Variants in JAG1 observed in about 807,000 individuals in gnomAD.
The protein encoded by JAG1 is protein jagged-1.
Under a neutral mutation model 148.7 loss-of-function variants are expected in JAG1, and 23 were observed. That is an observed-to-expected ratio of 0.15 (90% CI 0.11 to 0.22). The LOEUF (loss-of-function observed/expected upper bound fraction) is 0.22. JAG1 is among the 10% of genes least tolerant of loss of function. The pLI, the probability that JAG1 is intolerant of heterozygous loss-of-function variation, is 1.00. For missense variants in JAG1, 1,054 were observed against 1,611.2 expected (o/e 0.65, Z 5.92); for synonymous variants, 572 against 598.3 (o/e 0.96, Z 0.64).
At chr20:10,664,585 A>G (rs1358816079) in intron 2 of JAG1, among the ~76,000 whole-genome samples, 1 of 152,086 alleles carries the variant, frequency 6.6e-6, no homozygotes, top group Non-Finnish European at 1.5e-5. Context: ...GTATCGGGTA[A>G]CTCTAGGAAA....
intron 14 of JAG1, among the ~76,000 whole-genome samples, chr20:10,646,529 A>G (rs73075345): frequency 0.15 from 22,385 of 151,816 alleles, 1,835 homozygotes; most frequent in Admixed American, 0.19. Context: ...ACTGCTGGGC[A>G]TGGTGGCTCA....
intron 2 of JAG1, among the ~76,000 whole-genome samples, chr20:10,669,349 T>A (rs1403149643): frequency 6.6e-6 from 1 of 151,586 alleles, no homozygotes; most frequent in African/African-American, 2.4e-5. Flanking sequence ...CAGAACCCCA[T>A]CCTTAAGCCC....
intron 2 of JAG1, among the ~76,000 whole-genome samples, chr20:10,670,721 C>T (rs1276819513): frequency 6.6e-6 from 1 of 152,208 alleles, no homozygotes; most frequent in Non-Finnish European, 1.5e-5. Context: ...ATGCGTTTGT[C>T]CCAACTTCAA....
chr20:10,652,324 C>CG, intron 6 of JAG1, 74 bp from the exon 7 acceptor site: 1 of 1,602,958 alleles, frequency 6.2e-7, no homozygotes, highest in African/African-American at 1.3e-5. Context: ...TAGCCCCAGT[C>CG]GTCTTTTAAA....
intron 12 of JAG1, 83 bp from the exon 13 acceptor site, chr20:10,648,193 A>G (rs550417197): frequency 2.6e-6 from 4 of 1,525,158 alleles, no homozygotes; most frequent in Non-Finnish European, 2.7e-6. Flanking sequence ...GGCAGCAGGC[A>G]CTGGAATCTG....
At chr20:10,646,874 G>T in intron 14 of JAG1, 65 bp downstream of exon 14, 1 of 1,514,998 alleles carries the variant, frequency 6.6e-7, no homozygotes, top group Non-Finnish European at 9.2e-7. Flanking sequence ...GGTGGGCCAG[G>T]GGCAGAGGCA....
intron 11 of JAG1, 62 bp from the exon 12 acceptor site, chr20:10,648,784 G>A: frequency 1.3e-6 from 2 of 1,491,896 alleles, no homozygotes; most frequent in Non-Finnish European, 9.3e-7. Flanking sequence ...CACAAACACA[G>A]GGCTTCAGCG....
At position 10,643,876 on chromosome 20, in the gene JAG1, A is replaced by G; in HGVS notation, c.2373-13T>C. The G allele has an allele frequency of 6.2e-7, 1 of 1,609,488 alleles. No individual in the cohort carries two copies. The highest frequency in any genetic ancestry group is 1.7e-4 in the Middle Eastern group (1 of 6,030). On this transcript the variant is annotated splice_polypyrimidine_tract_variant and intron_variant, in intron 19 of 25. Coordinates refer to ENST00000254958, the MANE Select transcript of JAG1 (RefSeq NM_000214.3). ...GCCGCTGTTGTAACTAAGAAAGCAA[A>G]GACCACCTTGGTTACCAACCTCCCA...
In JAG1 at chr20:10,649,598, G is replaced by A. The variant is rs372686313; in HGVS notation, c.1272C>T (p.Ala424=). The change falls in exon 10 of 26, where the codon GCC becomes GCT. Residue 424 remains alanine, a synonymous_variant. Transcript: ENST00000254958. The part of the protein sequence containing the change: ...NECEAKPCVN[A]KSCKNLIASY... Reference sequence around the variant, plus strand: ...TGGCAATGAGATTCTTACAGGATTTGGCGTTTACACAAGGTTTGGCCTCAC... The same window carrying A: ...TGGCAATGAGATTCTTACAGGATTTAGCGTTTACACAAGGTTTGGCCTCAC... The A allele has an allele frequency of 3.1e-6, 5 of 1,613,712 alleles. No homozygotes were observed. In the African/African-American group the frequency reaches 4.0e-5, roughly 13 times the overall value.
intron 2 of JAG1, among the ~76,000 whole-genome samples, chr20:10,670,175 G>A (rs548314143): frequency 1.3e-5 from 2 of 152,050 alleles, no homozygotes; most frequent in Non-Finnish European, 2.9e-5. Flanking sequence ...TTTCCTCCTC[G>A]TCCTCTCTAG....
intron 19 of JAG1, 112 bp downstream of exon 19, chr20:10,644,245 T>C: frequency 1.0e-6 from 1 of 1,002,100 alleles, no homozygotes; most frequent in Non-Finnish European, 1.5e-6. Context: ...GACTCAGAAC[T>C]TGCATTTTAA....
chr20:10,639,796 T>C lies in JAG1; in HGVS notation c.3359A>G (p.Asn1120Ser). 1 of 1,614,160 alleles carries C rather than the reference T, an allele frequency of 6.2e-7. No homozygotes were observed. The highest frequency in any genetic ancestry group is 1.1e-5 in the South Asian group (1 of 91,084). The change falls in exon 26 of 26, where the codon AAC (asparagine) becomes AGC (serine). Residue 1120 changes from asparagine to serine, a missense_variant. Coordinates refer to ENST00000254958, the MANE Select transcript of JAG1 (RefSeq NM_000214.3). ...TTTCTCAATGGGGTTTTTGATCTGG[T>C]TCAGCTGCTCCCGCACGTTGTTGGT... The part of the protein sequence containing the change: ...NTTNNVREQL[N>S]QIKNPIEKHG...
chr20:10,648,730 A>G lies in JAG1; in HGVS notation c.1396-8T>C, dbSNP rs756167442. 2 of 1,613,842 alleles carry G rather than the reference A, an allele frequency of 1.2e-6. No individual in the cohort carries two copies. Among genetic ancestry groups the G allele is most frequent in the South Asian group, 2.2e-5 (2 of 91,066 alleles). On this transcript the variant is annotated splice_polypyrimidine_tract_variant and splice_region_variant and intron_variant, in intron 11 of 25. Coordinates refer to ENST00000254958, the MANE Select transcript of JAG1 (RefSeq NM_000214.3). ...ATAACCATTAACCAAATCCTAGAAG[A>G]GGAGAAGGGGAGAGAGAGACACATG...
At chr20:10,653,539 C>T (rs1373628442) in intron 5 of JAG1, among the ~76,000 whole-genome samples, 1 of 131,412 alleles carries the variant, frequency 7.6e-6, no homozygotes, top group Non-Finnish European at 1.5e-5. Context: ...TGGGGGAAGG[C>T]AGGGAGAAAC....
chr20:10,645,622 A>AAAGCCTGATTGTGT lies in JAG1; in HGVS notation c.2000-154_2000-153insACACAATCAGGCTT. ...TTAACACAATCAGGCTTTTCCAGGAATAAAGGAGCTCCCAACTGGGTTACT... is the reference window on the plus strand; with the variant it reads ...TTAACACAATCAGGCTTTTCCAGGAAAAGCCTGATTGTGTTAAAGGAGCTCCCAACTGGGTTACT... On this transcript the variant is annotated intron_variant, in intron 15 of 25. Transcript: ENST00000254958. The surrounding 1 kb of genome is among the most constrained non-coding windows in gnomAD (Gnocchi z 6.1). The AAAGCCTGATTGTGT allele has an allele frequency of 1.4e-6, 1 of 723,746 alleles. No homozygotes were observed. The highest frequency in any genetic ancestry group is 1.5e-5 in the South Asian group (1 of 65,732). The allele number at this position is 723,746 out of a possible 1,614,324, so 44.8% of individuals were successfully genotyped here.
At chr20:10,642,629 G>T (rs1206235945) in intron 20 of JAG1, 28 bp from the exon 21 acceptor site, 2 of 1,283,594 alleles carry the variant, frequency 1.6e-6, no homozygotes, top group Non-Finnish European at 2.3e-6. Flanking sequence ...CAAGTTTAGG[G>T]ACTGATGGTG....
At chr20:10,650,740 C>G (rs1480236783) in intron 8 of JAG1, 1 of 282,182 alleles carries the variant, frequency 3.5e-6, no homozygotes, top group East Asian at 8.9e-5. Context: ...GGTGGAAAAC[C>G]TTATTCCTCT....
chr20:10,652,283 G>A (rs564394776), intron 6 of JAG1, 33 bp from the exon 7 acceptor site: 37 of 1,612,850 alleles, frequency 2.3e-5, no homozygotes, highest in African/African-American at 2.3e-4. Context: ...ACTAAGAGAC[G>A]CCTGTGAAGA....
intron 2 of JAG1, among the ~76,000 whole-genome samples, chr20:10,667,264 C>T (rs946727989): frequency 2.6e-5 from 4 of 152,344 alleles, no homozygotes; most frequent in Non-Finnish European, 4.4e-5. Context: ...GAATGCCCGA[C>T]GTGCCAACGC....
Sources: allele counts gnomAD v4.1 joint callset (sites outside exome capture counted in the v4.1 genomes callset), GRCh38; gene constraint gnomAD v4.1.1; non-coding constraint Gnocchi (gnomAD v3.1); transcripts MANE v1.5; gene names NCBI Gene and HGNC (gene_info 2026-07-23, HGNC 2026-07-21).